RAB38: variants seen among roughly 807,000 people sequenced by gnomAD.
The protein encoded by RAB38 is RAB38, member RAS oncogene family.
A neutral mutation model predicts 18.4 loss-of-function variants in RAB38; 15 were observed. That is an observed-to-expected ratio of 0.82 (90% CI 0.55 to 1.26). RAB38 has a LOEUF of 1.26. Among genes scored for constraint, RAB38 ranks in the 50% most tolerant of loss-of-function variants. The probability of loss-of-function intolerance (pLI) is 0.00; values close to 1 mark genes in which losing one functional copy is unlikely to be tolerated. For missense variants in RAB38, 294 were observed against 267.4 expected (o/e 1.10, Z -0.69); for synonymous variants, 101 against 104.4 (o/e 0.97, Z 0.20).
the RAB38 span, among the ~76,000 whole-genome samples, chr11:88,037,435 T>G: frequency 6.6e-6 from 1 of 152,120 alleles, no homozygotes; most frequent in Non-Finnish European, 1.5e-5. Context: ...TTTTATTAAT[T>G]TATAATTTGA....
At chr11:87,933,344 T>A in the RAB38 span, among the ~76,000 whole-genome samples, 2 of 152,054 alleles carry the variant, frequency 1.3e-5, no homozygotes, top group Non-Finnish European at 2.9e-5. Flanking sequence ...CCCACTCCCA[T>A]CTCATATTTT....
At chr11:87,977,464 TA>T in the RAB38 span, among the ~76,000 whole-genome samples, 11 of 48,946 alleles carry the variant, frequency 2.2e-4, no homozygotes, top group East Asian at 3.1e-3. Context: ...ATAATATAAT[TA>T]TATATTACAT....
chr11:88,016,140 A>G, the RAB38 span, among the ~76,000 whole-genome samples: 2 of 152,182 alleles, frequency 1.3e-5, no homozygotes, highest in African/African-American at 2.4e-5. Flanking sequence ...TCTGGCAACA[A>G]CAATAGCTAG....
At chr11:88,139,649 T>C (rs1942881471) in intron 2 of RAB38, among the ~76,000 whole-genome samples, 2 of 152,190 alleles carry the variant, frequency 1.3e-5, no homozygotes. Context: ...ACACAATGCA[T>C]CTTAACCAGG....
the RAB38 span, among the ~76,000 whole-genome samples, chr11:87,843,623 C>T: frequency 6.6e-6 from 1 of 152,196 alleles, no homozygotes; most frequent in East Asian, 1.9e-4. Context: ...CCATAGCTTA[C>T]TTATGAGATA....
chr11:87,950,607 C>T, the RAB38 span, among the ~76,000 whole-genome samples: 46 of 152,220 alleles, frequency 3.0e-4, no homozygotes, highest in African/African-American at 8.4e-4. Context: ...TCAGCATTTG[C>T]TTGTCTGTAA....
chr11:87,929,824 T>C, the RAB38 span, among the ~76,000 whole-genome samples: 5 of 151,668 alleles, frequency 3.3e-5, no homozygotes, highest in Admixed American at 2.0e-4. Flanking sequence ...GTTTGATTTT[T>C]TGTCCTTGCG....
chr11:88,036,710 A>T, the RAB38 span, among the ~76,000 whole-genome samples: 3,294 of 152,168 alleles, frequency 0.022, 102 homozygotes, highest in African/African-American at 0.073. Flanking sequence ...TTTGTGGAAC[A>T]TATCAATGGA....
chr11:87,812,365 C>G, the RAB38 span, among the ~76,000 whole-genome samples: 1 of 152,034 alleles, frequency 6.6e-6, no homozygotes, highest in East Asian at 1.9e-4. Context: ...GGACACTGGG[C>G]TGAGTCCACT....
the RAB38 span, among the ~76,000 whole-genome samples, chr11:88,053,094 TTA>T: frequency 4.5e-5 from 6 of 132,124 alleles, no homozygotes; most frequent in Admixed American, 1.7e-4. Context: ...GGAATATATA[TTA>T]TATATATACA....
the RAB38 span, among the ~76,000 whole-genome samples, chr11:88,026,315 G>C: frequency 3.3e-5 from 5 of 151,476 alleles, no homozygotes; most frequent in African/African-American, 1.2e-4. Flanking sequence ...TGTAATCCCA[G>C]CACTTTGAGA....
At chr11:88,119,070 A>G (rs1004812504) in intron 2 of RAB38, among the ~76,000 whole-genome samples, 17 of 152,200 alleles carry the variant, frequency 1.1e-4, no homozygotes, top group Non-Finnish European at 2.2e-4. Context: ...AATCCTAGGA[A>G]TAAAATAGAT....
chr11:88,076,109 A>G, the RAB38 span, among the ~76,000 whole-genome samples: 1 of 151,794 alleles, frequency 6.6e-6, no homozygotes, highest in African/African-American at 2.4e-5. Context: ...AGATACAAAT[A>G]AATAAAATCA....
chr11:88,154,978 C>G (rs1202242461), intron 1 of RAB38, among the ~76,000 whole-genome samples: 1 of 152,234 alleles, frequency 6.6e-6, no homozygotes, highest in African/African-American at 2.4e-5. Context: ...AGCCTCTCTG[C>G]TCTACATCCA....
chr11:88,155,221 C>A (rs910411759), intron 1 of RAB38, among the ~76,000 whole-genome samples: 2 of 152,216 alleles, frequency 1.3e-5, no homozygotes, highest in African/African-American at 2.4e-5. Context: ...GGACCCCAAT[C>A]CCCTTGGCTA....
chr11:88,032,704 A>G, the RAB38 span, among the ~76,000 whole-genome samples: 4 of 152,280 alleles, frequency 2.6e-5, no homozygotes, highest in East Asian at 5.8e-4. Flanking sequence ...TTAGAATGGC[A>G]ATCATTAAAA....
At chr11:87,804,378 G>A in the RAB38 span, among the ~76,000 whole-genome samples, 2 of 152,034 alleles carry the variant, frequency 1.3e-5, no homozygotes, top group Non-Finnish European at 2.9e-5. Context: ...TAGTCTTAGG[G>A]CATTTGCCTG....
the RAB38 span, among the ~76,000 whole-genome samples, chr11:88,009,032 TACAAAA>T: frequency 6.6e-6 from 1 of 151,930 alleles, no homozygotes; most frequent in African/African-American, 2.4e-5. Context: ...ACAATAAAAA[TACAAAA>T]ACAAAAACCC....
At chr11:87,839,670 T>C in the RAB38 span, among the ~76,000 whole-genome samples, 3 of 152,200 alleles carry the variant, frequency 2.0e-5, no homozygotes, top group Non-Finnish European at 4.4e-5. Flanking sequence ...AGTATTTTTA[T>C]GTACTTGAGA....
Sources: gnomAD v4.1 joint callset for allele counts (sites outside exome capture counted in the v4.1 genomes callset) on GRCh38, gnomAD v4.1.1 for gene constraint, MANE v1.5 for transcripts, NCBI Gene and HGNC (gene_info 2026-07-23, HGNC 2026-07-21) for gene names.